The following LRP1B variants were observed in gnomAD, a reference collection of about 807,000 sequenced individuals.
LRP1B encodes LDL receptor related protein 1B.
In LRP1B, 217 loss-of-function variants were observed where a neutral mutation model predicts 556.6. The observed-to-expected ratio is 0.39, with a 90% CI of 0.35 to 0.44. The LOEUF (loss-of-function observed/expected upper bound fraction) is 0.44, where lower values mean the gene tolerates loss of function less well. Ranked by LOEUF, LRP1B falls within the 20% of genes least tolerant of loss-of-function variation. The pLI, the probability that LRP1B is intolerant of heterozygous loss-of-function variation, is 1.00. For synonymous variants in LRP1B, 2,047 were observed against 1,865.8 expected (o/e 1.10, Z -2.50); for missense variants, 5,053 against 5,620.8 (o/e 0.90, Z 3.23).
Position 141,254,130 on chromosome 2 carries a change from C to A in LRP1B, c.463+392G>T, listed in dbSNP as rs551257796. On this transcript the variant is annotated intron_variant, in intron 4 of 90. Coordinates refer to ENST00000389484, the MANE Select transcript of LRP1B (RefSeq NM_018557.3). Reference sequence around the variant, plus strand: ...GTTAAAATGCCAGCTGCCAGAATAACCAATGCAAAAATTATAAAGAACATT... The same window carrying A: ...GTTAAAATGCCAGCTGCCAGAATAAACAATGCAAAAATTATAAAGAACATT... Among the ~76,000 whole-genome samples the A allele has an allele frequency of 2.7e-3, 407 of 152,010 alleles. 3 individuals are homozygous for A. Among genetic ancestry groups the A allele is most frequent in the Non-Finnish European group, 4.5e-3 (306 of 67,974 alleles).
intron 43 of LRP1B, among the ~76,000 whole-genome samples, chr2:140,563,508 T>C (rs1421904033): frequency 1.3e-5 from 2 of 152,176 alleles, no homozygotes; most frequent in Non-Finnish European, 2.9e-5. Flanking sequence ...AGCTCAGCCT[T>C]ACGAAGCAGA....
chr2:140,585,072 A>G (rs1489527839), intron 43 of LRP1B, among the ~76,000 whole-genome samples: 2 of 152,008 alleles, frequency 1.3e-5, no homozygotes, highest in Non-Finnish European at 1.5e-5. Context: ...AGATGTTATT[A>G]TTCCTACAAA....
intron 35 of LRP1B, among the ~76,000 whole-genome samples, chr2:140,727,560 C>T (rs1387804268): frequency 6.6e-6 from 1 of 152,150 alleles, no homozygotes; most frequent in Non-Finnish European, 1.5e-5. Context: ...GACTGGGTAG[C>T]ATTTGGATTA....
At chr2:140,772,617 T>A (rs1366164668) in intron 33 of LRP1B, among the ~76,000 whole-genome samples, 3 of 152,134 alleles carry the variant, frequency 2.0e-5, no homozygotes, top group Non-Finnish European at 2.9e-5. Context: ...CCTAGATTTA[T>A]AATAGTTATA....
intron 6 of LRP1B, among the ~76,000 whole-genome samples, chr2:141,227,157 T>C (rs2105288916): frequency 6.6e-6 from 1 of 152,274 alleles, no homozygotes; most frequent in African/African-American, 2.4e-5. Flanking sequence ...TTAACCTTCC[T>C]TAGATTTATT....
chr2:141,081,942 A>G (rs1247085522), intron 7 of LRP1B, among the ~76,000 whole-genome samples: 1 of 152,206 alleles, frequency 6.6e-6, no homozygotes, highest in Admixed American at 6.5e-5. Flanking sequence ...TTTCCAAATA[A>G]AAGGTTACCA....
intron 35 of LRP1B, among the ~76,000 whole-genome samples, chr2:140,766,832 T>C (rs1689124105): frequency 4.4e-5 from 1 of 22,840 alleles, no homozygotes; most frequent in Non-Finnish European, 1.4e-4. Context: ...AATATATATA[T>C]ATATATATAT....
rs114930348 is a variant in LRP1B at position 141,874,309 on chromosome 2, C to T, written c.83-63908G>A. 3.6e-3 allele frequency among the ~76,000 whole-genome samples: 550 copies of T among 151,786 alleles called. 3 individuals are homozygous for T. Among genetic ancestry groups the T allele is most frequent in the African/African-American group, 0.013 (527 of 41,456 alleles). ...AATTTTACTACTTCTGGATCACAAG[C>T]TTGTAAAGCATGGTTATTGATGGAA... On this transcript the variant is annotated intron_variant, in intron 1 of 90. Coordinates refer to ENST00000389484, the MANE Select transcript of LRP1B (RefSeq NM_018557.3).
intron 35 of LRP1B, among the ~76,000 whole-genome samples, chr2:140,739,764 C>T (rs1688075132): frequency 6.6e-6 from 1 of 152,108 alleles, no homozygotes; most frequent in Non-Finnish European, 1.5e-5. Flanking sequence ...AGAAAATCTT[C>T]ACAATCTATA....
chr2:140,373,890 A>T (rs1200701730), intron 68 of LRP1B, among the ~76,000 whole-genome samples: 1 of 152,174 alleles, frequency 6.6e-6, no homozygotes, highest in Non-Finnish European at 1.5e-5. Context: ...AAATCCTAAG[A>T]CAAATCTGTT....
chr2:141,748,285 A>G (rs1024722334), intron 2 of LRP1B, among the ~76,000 whole-genome samples: 2 of 152,168 alleles, frequency 1.3e-5, no homozygotes, highest in African/African-American at 2.4e-5. Flanking sequence ...TTTTGTGATG[A>G]TTAGAAATCA....
intron 83 of LRP1B, among the ~76,000 whole-genome samples, chr2:140,309,035 A>G (rs1336082878): frequency 1.3e-5 from 2 of 151,798 alleles, no homozygotes; most frequent in African/African-American, 2.4e-5. Flanking sequence ...TTCAAGTAAT[A>G]AAAGTTCTGA....
intron 1 of LRP1B, among the ~76,000 whole-genome samples, chr2:142,043,522 T>C (rs899490648): frequency 6.6e-6 from 1 of 151,668 alleles, no homozygotes; most frequent in African/African-American, 2.4e-5. Context: ...ATAGTGTTTA[T>C]ATTTTGGATG....
chr2:140,700,279 T>G lies in LRP1B; in HGVS notation c.6770A>C (p.Asn2257Thr). 1 of 1,611,800 alleles carries G rather than the reference T, an allele frequency of 6.2e-7. No homozygotes were observed. Among genetic ancestry groups the G allele is most frequent in the Middle Eastern group, 1.7e-4 (1 of 5,842 alleles). The change falls in exon 41 of 91, where the codon AAC (asparagine) becomes ACC (threonine). Residue 2257 changes from asparagine (N) to threonine (T), a missense_variant. By Grantham distance (65) the Asn-to-Thr change is moderately conservative. Around this residue, in one of 5 missense-constraint regions of LRP1B, gnomAD observed 3,619 missense variants for 3,931.9 expected, o/e 0.92. Transcript: ENST00000389484. ...HFGNIQLIKD[N>T]WEDRQVIVEN... The stretch of plus-strand genomic sequence containing the variant: ...AACAATTACTTGTCTGTCTTCCCAG[T>G]TGTCTTTAATAAGCTGTATATTTCC...
chr2:140,761,192 C>G (rs441228), intron 35 of LRP1B, among the ~76,000 whole-genome samples: 77,421 of 152,084 alleles, frequency 0.51, 20,933 homozygotes, highest in African/African-American at 0.68. Context: ...TGACCATAAA[C>G]TTTTACATTA....
chr2:141,545,356 C>T (rs1315919219), intron 2 of LRP1B, among the ~76,000 whole-genome samples: 1 of 152,168 alleles, frequency 6.6e-6, no homozygotes, highest in Non-Finnish European at 1.5e-5. Context: ...CTTCCTTACA[C>T]AGTTTGGCCC....
At position 140,247,725 on chromosome 2, in the gene LRP1B, T is replaced by C. The variant is rs1319124021; in HGVS notation, c.13248-563A>G. 1.3e-4 allele frequency among the ~76,000 whole-genome samples: 19 copies of C among 151,618 alleles called. No homozygotes were observed. In the Admixed American group the frequency reaches 1.3e-3, roughly 10 times the overall value. On this transcript the variant is annotated intron_variant, in intron 86 of 90. Coordinates refer to ENST00000389484, the MANE Select transcript of LRP1B (RefSeq NM_018557.3). ...ATGAAGTCAAGAGAATGTGCCCAAGTTTTTATTGGGAGAAGTTGTTTTTCC... is the reference window on the plus strand; with the variant it reads ...ATGAAGTCAAGAGAATGTGCCCAAGCTTTTATTGGGAGAAGTTGTTTTTCC...
intron 83 of LRP1B, among the ~76,000 whole-genome samples, chr2:140,309,159 C>T (rs1283324816): frequency 6.6e-6 from 1 of 151,748 alleles, no homozygotes; most frequent in Non-Finnish European, 1.5e-5. Flanking sequence ...ATAATTTTAG[C>T]AAGGTGACTA....
In LRP1B at chr2:141,974,534, G is replaced by A. The variant is rs147014573; in HGVS notation, c.82+156114C>T. On this transcript the variant is annotated intron_variant, in intron 1 of 90. Transcript: ENST00000389484. ...GATTGCTAAGAACATTAGTATGGTAGGAAAGGAGAAACTAGTTTGGGGCCT... is the reference window on the plus strand; with the variant it reads ...GATTGCTAAGAACATTAGTATGGTAAGAAAGGAGAAACTAGTTTGGGGCCT... 2.8e-4 allele frequency among the ~76,000 whole-genome samples: 43 copies of A among 152,064 alleles called. 2 individuals carry two copies. In the East Asian group the frequency reaches 8.3e-3, roughly 30 times the overall value.
Sources: gnomAD v4.1 joint callset for allele counts (sites outside exome capture counted in the v4.1 genomes callset) on GRCh38, gnomAD v4.1.1 for gene constraint, gnomAD v4.1.1 regional missense constraint, MANE v1.5 for transcripts, NCBI Gene and HGNC (gene_info 2026-07-23, HGNC 2026-07-21) for gene names.